The following NAALADL2 variants were observed in gnomAD, a reference collection of about 807,000 sequenced individuals.
NAALADL2 encodes inactive N-acetylated-alpha-linked acidic dipeptidase-like protein 2.
Under a neutral mutation model 87.2 loss-of-function variants are expected in NAALADL2, and 76 were observed. The observed-to-expected ratio is 0.87, with a 90% CI of 0.72 to 1.05. NAALADL2 has a LOEUF of 1.05. NAALADL2 is among the 50% of genes least tolerant of loss of function. NAALADL2 has a pLI of 0.00. For synonymous variants in NAALADL2, 354 were observed against 331.0 expected, an observed-to-expected ratio of 1.07 and a Z score of -0.75; for missense variants, 1,089 against 945.8, an observed-to-expected ratio of 1.15 and a Z score of -1.99.
chr3:175,681,945 A>G (rs1735656669), intron 11 of NAALADL2, among the ~76,000 whole-genome samples: 1 of 152,154 alleles, frequency 6.6e-6, no homozygotes, highest in Non-Finnish European at 1.5e-5. Flanking sequence ...CTGTAAACCT[A>G]AAGAAGTTAG....
At chr3:175,660,373 T>G (rs1437183147) in intron 11 of NAALADL2, among the ~76,000 whole-genome samples, 1 of 152,162 alleles carries the variant, frequency 6.6e-6, no homozygotes, top group Non-Finnish European at 1.5e-5. Flanking sequence ...TCAGACCCTT[T>G]TTTCGTTGAT....
chr3:175,275,354 G>A (rs1394053339), intron 4 of NAALADL2, among the ~76,000 whole-genome samples: 1 of 152,002 alleles, frequency 6.6e-6, no homozygotes, highest in African/African-American at 2.4e-5. Flanking sequence ...AATGTTTTTA[G>A]GATGATCTTA....
intron 12 of NAALADL2, among the ~76,000 whole-genome samples, chr3:175,754,557 G>T (rs766701917): frequency 1.3e-5 from 2 of 152,010 alleles, no homozygotes; most frequent in Non-Finnish European, 2.9e-5. Flanking sequence ...CACATTACAG[G>T]ACATTTCTAG....
chr3:175,076,665 G>A (rs1457727655), intron 1 of NAALADL2, among the ~76,000 whole-genome samples: 3 of 151,980 alleles, frequency 2.0e-5, no homozygotes, highest in Admixed American at 2.0e-4. Flanking sequence ...AATGTGTTTT[G>A]ATATCTAAAT....
chr3:175,647,434 G>A (rs956284379), intron 11 of NAALADL2, among the ~76,000 whole-genome samples: 11 of 151,994 alleles, frequency 7.2e-5, no homozygotes, highest in African/African-American at 2.4e-4. Context: ...AAATATAGAA[G>A]CATATAATCT....
chr3:174,711,907 C>A (rs1279397919), intron 2 of NAALADL2, among the ~76,000 whole-genome samples: 1 of 152,142 alleles, frequency 6.6e-6, no homozygotes, highest in Non-Finnish European at 1.5e-5. Context: ...TCAAGAGATT[C>A]TCTTGCCTCA....
intron 2 of NAALADL2, among the ~76,000 whole-genome samples, chr3:175,181,040 A>G (rs1736388299): frequency 1.3e-5 from 2 of 151,928 alleles, no homozygotes; most frequent in Admixed American, 1.3e-4. Context: ...CCAAGCTAAC[A>G]CTTCTACTGT....
In NAALADL2 at chr3:175,382,977, T is replaced by C. The variant is rs1469923165; in HGVS notation, c.1090+58652T>C. 2.6e-5 allele frequency among the ~76,000 whole-genome samples: 4 copies of C among 152,110 alleles called. No individual in the cohort carries two copies. In the East Asian group the frequency reaches 7.7e-4, roughly 29 times the overall value. On this transcript the variant is annotated intron_variant, in intron 5 of 13. Coordinates refer to ENST00000454872, the MANE Select transcript of NAALADL2 (RefSeq NM_207015.3). ...GAATTAAAAATTATACTTTTATTAA[T>C]TTATTCAAAAGATCCCATTTAAGTT...
chr3:175,458,569 T>C (rs1722666430), intron 6 of NAALADL2, among the ~76,000 whole-genome samples: 1 of 148,006 alleles, frequency 6.8e-6, no homozygotes, highest in Non-Finnish European at 1.5e-5. Flanking sequence ...AATTTTATAA[T>C]TTATAAATAT....
intron 12 of NAALADL2, among the ~76,000 whole-genome samples, chr3:175,748,221 A>G (rs569369749): frequency 6.6e-6 from 1 of 152,232 alleles, no homozygotes; most frequent in South Asian, 2.1e-4. Context: ...TTTTTTCACT[A>G]CCTGAGTTGT....
In NAALADL2 at chr3:175,027,505, A is replaced by G. The variant is rs558417713; in HGVS notation, c.44-69285A>G. On this transcript the variant is annotated intron_variant, in intron 1 of 13. Coordinates refer to ENST00000454872, the MANE Select transcript of NAALADL2 (RefSeq NM_207015.3). ...ACAATAAGTTCAATTAAAAAGACCT[A>G]TGTGACCAGATTATTTAAATTACAA... 5.7e-4 allele frequency among the ~76,000 whole-genome samples: 87 copies of G among 152,260 alleles called. 1 individual carries two copies. The highest frequency in any genetic ancestry group is 2.0e-3 in the African/African-American group (82 of 41,576).
intron 2 of NAALADL2, among the ~76,000 whole-genome samples, chr3:175,227,130 A>T (rs947081322): frequency 6.6e-6 from 1 of 152,040 alleles, no homozygotes; most frequent in Non-Finnish European, 1.5e-5. Context: ...GTGTACTTCT[A>T]GTTCATCGTT....
intron 2 of NAALADL2, among the ~76,000 whole-genome samples, chr3:174,606,630 A>G (rs372966373): frequency 6.6e-6 from 1 of 152,140 alleles, no homozygotes; most frequent in East Asian, 1.9e-4. Context: ...AAAAAGAATA[A>G]AAAGAAATGA....
intron 2 of NAALADL2, among the ~76,000 whole-genome samples, chr3:174,715,501 C>G (rs1489185254): frequency 2.0e-5 from 3 of 152,068 alleles, no homozygotes; most frequent in Non-Finnish European, 4.4e-5. Context: ...GATTGAGAAG[C>G]CTGTTTAAAT....
intron 3 of NAALADL2, among the ~76,000 whole-genome samples, chr3:174,847,406 T>C (rs1297684027): frequency 2.6e-5 from 4 of 152,164 alleles, no homozygotes; most frequent in Non-Finnish European, 4.4e-5. Flanking sequence ...ACTCATAATA[T>C]CATGTTGCAA....
At chr3:174,855,931 AATAT>A (rs910089756), upstream of NAALADL2, among the ~76,000 whole-genome samples, 7 of 149,090 alleles carry the variant, frequency 4.7e-5, no homozygotes, top group African/African-American at 1.7e-4. Context: ...CATAGATATG[AATAT>A]ATATACACAT....
rs886638794 is a variant in NAALADL2, at chr3:175,516,026, G to A, written c.1653+44268G>A. On this transcript the variant is annotated intron_variant, in intron 9 of 13. Coordinates refer to ENST00000454872, the MANE Select transcript of NAALADL2 (RefSeq NM_207015.3). Reference sequence around the variant, plus strand: ...GAGAGGTATAGTCTTTAGGGAAAACGTTTATGACAGACAATACTCATAATG... The same window carrying A: ...GAGAGGTATAGTCTTTAGGGAAAACATTTATGACAGACAATACTCATAATG... Among the ~76,000 whole-genome samples, 33 of 152,246 alleles carry A rather than the reference G, an allele frequency of 2.2e-4. 2 individuals carry two copies. Among genetic ancestry groups the A allele is most frequent in the Admixed American group, 8.5e-4 (13 of 15,300 alleles).
intron 2 of NAALADL2, among the ~76,000 whole-genome samples, chr3:174,633,630 G>C (rs1722359238): frequency 6.6e-6 from 1 of 152,194 alleles, no homozygotes. Flanking sequence ...TTTAAGGCAA[G>C]GTAATAGACT....
At chr3:175,438,818 AC>A (rs2149192753) in intron 5 of NAALADL2, among the ~76,000 whole-genome samples, 1 of 152,056 alleles carries the variant, frequency 6.6e-6, no homozygotes, top group South Asian at 2.1e-4. Flanking sequence ...GTGCTCTCTG[AC>A]CATCTGATTA....
Sources: allele counts gnomAD v4.1 joint callset (sites outside exome capture counted in the v4.1 genomes callset), GRCh38; gene constraint gnomAD v4.1.1; transcripts MANE v1.5; gene names NCBI Gene and HGNC (gene_info 2026-07-23, HGNC 2026-07-21).